Variants in ANO4 observed in about 807,000 individuals in gnomAD.
The protein encoded by ANO4 is anoctamin-4.
A neutral mutation model predicts 141.9 loss-of-function variants in ANO4; 69 were observed. The observed-to-expected ratio is 0.49, with a 90% CI of 0.40 to 0.59. The LOEUF is 0.59. ANO4 is among the 20% of genes least tolerant of loss of function. The probability of loss-of-function intolerance (pLI) is 0.00; values close to 1 mark genes in which losing one functional copy is unlikely to be tolerated. For synonymous variants in ANO4, 350 were observed against 394.3 expected, an observed-to-expected ratio of 0.89 and a Z score of 1.33; for missense variants, 894 against 1,162.2, an observed-to-expected ratio of 0.77 and a Z score of 3.36.
chr12:100,930,128 G>T (rs1366719775), intron 3 of ANO4, among the ~76,000 whole-genome samples: 1 of 152,014 alleles, frequency 6.6e-6, no homozygotes, highest in Non-Finnish European at 1.5e-5. Flanking sequence ...CCATTCTGTG[G>T]GTTGTCTCTT....
intron 3 of ANO4, among the ~76,000 whole-genome samples, chr12:100,748,707 A>G (rs2032226429): frequency 6.6e-6 from 1 of 151,950 alleles, no homozygotes; most frequent in Non-Finnish European, 1.5e-5. Flanking sequence ...CATGTTTGTA[A>G]CCATTTTCTA....
chr12:101,079,164 A>C (rs781329183), intron 14 of ANO4, 29 bp from the exon 15 acceptor site: 1 of 1,598,980 alleles, frequency 6.3e-7, no homozygotes, highest in Non-Finnish European at 8.6e-7. Context: ...TTATTCAAAA[A>C]TGTCTTTGTC....
intron 1 of ANO4, among the ~76,000 whole-genome samples, chr12:100,849,757 A>G (rs1277906773): frequency 2.0e-5 from 3 of 152,256 alleles, no homozygotes; most frequent in African/African-American, 7.2e-5. Context: ...TTAGAGCTAT[A>G]TTTTCTAGGT....
chr12:100,775,855 A>C (rs1385501582), intron 3 of ANO4, among the ~76,000 whole-genome samples: 3 of 152,028 alleles, frequency 2.0e-5, no homozygotes, highest in Non-Finnish European at 4.4e-5. Context: ...AGAAAAAAAA[A>C]ACCTAGTGGC....
At chr12:100,801,645 G>T (rs1157125388) in intron 1 of ANO4, among the ~76,000 whole-genome samples, 1 of 151,696 alleles carries the variant, frequency 6.6e-6, no homozygotes. Flanking sequence ...AGATAAGGCA[G>T]GGGGTAGAAA....
At chr12:101,070,595 A>C (rs1346378888) in intron 14 of ANO4, among the ~76,000 whole-genome samples, 2 of 152,190 alleles carry the variant, frequency 1.3e-5, no homozygotes, top group Non-Finnish European at 2.9e-5. Flanking sequence ...TCTCCAAGAC[A>C]TGAGACTGGG....
chr12:100,752,578 ACC>A, intron 3 of ANO4, among the ~76,000 whole-genome samples: 1 of 152,122 alleles, frequency 6.6e-6, no homozygotes. Flanking sequence ...TCCTTTGGAA[ACC>A]TTATAGGGGT....
intron 1 of ANO4, among the ~76,000 whole-genome samples, chr12:100,866,265 A>G (rs540989867): frequency 1.3e-5 from 2 of 152,286 alleles, no homozygotes; most frequent in South Asian, 2.1e-4. Context: ...TACTTTAATC[A>G]TACTGCCTCT....
At chr12:100,723,725 A>C (rs944472322) in intron 1 of ANO4, among the ~76,000 whole-genome samples, 2 of 152,204 alleles carry the variant, frequency 1.3e-5, no homozygotes, top group African/African-American at 4.8e-5. Flanking sequence ...AACCTTTTAT[A>C]AACAATTTAG....
At chr12:100,778,625 G>A (rs1260101149) in intron 3 of ANO4, among the ~76,000 whole-genome samples, 2 of 152,126 alleles carry the variant, frequency 1.3e-5, no homozygotes, top group Non-Finnish European at 2.9e-5. Context: ...CTGGGTTCCT[G>A]GGATCTCCAC....
chr12:100,823,170 T>C (rs917463637), intron 1 of ANO4, among the ~76,000 whole-genome samples: 2 of 152,068 alleles, frequency 1.3e-5, no homozygotes, highest in South Asian at 4.1e-4. Context: ...TTCCATTTAT[T>C]GCAGGCATAA....
At chr12:101,090,115 G>A (rs1593242754) in intron 17 of ANO4, among the ~76,000 whole-genome samples, 1 of 152,154 alleles carries the variant, frequency 6.6e-6, no homozygotes, top group Admixed American at 6.5e-5. Flanking sequence ...CTGGAGAGGA[G>A]GTGGAGAAAT....
chr12:101,059,451 T>C (rs563027821), intron 14 of ANO4, among the ~76,000 whole-genome samples: 3 of 152,362 alleles, frequency 2.0e-5, no homozygotes, highest in African/African-American at 7.2e-5. Context: ...ATCTCCTCTT[T>C]TTACCTGTGG....
At chr12:100,962,668 G>A (rs1045864103) in intron 5 of ANO4, among the ~76,000 whole-genome samples, 1 of 152,170 alleles carries the variant, frequency 6.6e-6, no homozygotes, top group African/African-American at 2.4e-5. Flanking sequence ...TTTCTTGTTG[G>A]CCTTCAGCCA....
At chr12:101,021,782 G>A (rs761174623) in intron 9 of ANO4, among the ~76,000 whole-genome samples, 5 of 152,082 alleles carry the variant, frequency 3.3e-5, no homozygotes, top group African/African-American at 4.8e-5. Context: ...GGTTATTAAT[G>A]AGATTTGAGA....
chr12:100,849,790 A>G (rs548504125), intron 1 of ANO4, among the ~76,000 whole-genome samples: 2 of 152,330 alleles, frequency 1.3e-5, no homozygotes, highest in South Asian at 4.1e-4. Flanking sequence ...GCTTTGTAAT[A>G]TTACCAAACT....
chr12:100,908,616 G>A (rs920371249), intron 2 of ANO4, among the ~76,000 whole-genome samples: 4 of 152,062 alleles, frequency 2.6e-5, no homozygotes, highest in Non-Finnish European at 5.9e-5. Context: ...TAGTGTACTT[G>A]GACAAATGCA....
intron 14 of ANO4, among the ~76,000 whole-genome samples, chr12:101,064,963 G>C (rs1566197011): frequency 1.3e-5 from 2 of 152,068 alleles, no homozygotes; most frequent in Admixed American, 1.3e-4. Flanking sequence ...TTGGTTATCA[G>C]ATACTGCCAC....
chr12:101,053,355 AG>A (rs1447558003), intron 14 of ANO4, among the ~76,000 whole-genome samples: 1 of 152,200 alleles, frequency 6.6e-6, no homozygotes, highest in African/African-American at 2.4e-5. Flanking sequence ...AGTGATAGGG[AG>A]GTTGAGTGTG....
Sources: allele counts gnomAD v4.1 joint callset (sites outside exome capture counted in the v4.1 genomes callset), GRCh38; gene constraint gnomAD v4.1.1; transcripts MANE v1.5; gene names NCBI Gene and HGNC (gene_info 2026-07-23, HGNC 2026-07-21).